The following PHLDB2 variants were observed in gnomAD, a reference collection of about 807,000 sequenced individuals.
PHLDB2 encodes the protein pleckstrin homology like domain family B member 2.
Under a neutral mutation model 123.6 loss-of-function variants are expected in PHLDB2, and 71 were observed. The observed-to-expected ratio is 0.57, with a 90% CI of 0.47 to 0.70. PHLDB2 has a LOEUF of 0.70. Ranked by LOEUF, PHLDB2 falls within the 30% of genes least tolerant of loss-of-function variation. PHLDB2 has a pLI of 0.00. For missense variants in PHLDB2, 1,446 were observed against 1,519.5 expected, an observed-to-expected ratio of 0.95 and a Z score of 0.80; for synonymous variants, 547 against 541.6, an observed-to-expected ratio of 1.01 and a Z score of -0.14.
chr3:111,961,266 G>A (rs2071396258), intron 12 of PHLDB2, among the ~76,000 whole-genome samples: 1 of 152,188 alleles, frequency 6.6e-6, no homozygotes, highest in South Asian at 2.1e-4. Context: ...AGGAGGTGGA[G>A]GTTGCAGTGA....
chr3:111,824,274 T>A (rs1379861459), intron 1 of PHLDB2, among the ~76,000 whole-genome samples: 2 of 152,146 alleles, frequency 1.3e-5, no homozygotes, highest in African/African-American at 4.8e-5. Context: ...TCACAGTGGT[T>A]TTCTTCCTTA....
Position 111,932,378 on chromosome 3 carries a change from TACA to T in PHLDB2, c.2120_2122del (p.Gln707del), listed in dbSNP as rs1160020286. On this transcript the variant is annotated inframe_deletion, in exon 6 of 18. Transcript: ENST00000431670. ...TGTCCTGAGTCCATGAGGGAACAGT[TACA>T]ACAACAACTGAAGAGGGTCAGTAGC... 8 of 1,551,098 alleles carry T rather than the reference TACA, an allele frequency of 5.2e-6. No homozygotes were observed. In the Admixed American group the frequency reaches 7.9e-5, roughly 15 times the overall value.
At chr3:111,748,385 G>A (rs774364884) in intron 1 of PHLDB2, among the ~76,000 whole-genome samples, 3 of 152,068 alleles carry the variant, frequency 2.0e-5, no homozygotes, top group Non-Finnish European at 4.4e-5. Context: ...TAACCCTTTG[G>A]GCTTGGGCTT....
intron 1 of PHLDB2, among the ~76,000 whole-genome samples, chr3:111,791,526 G>A (rs555114561): frequency 5.7e-4 from 87 of 152,254 alleles, no homozygotes; most frequent in African/African-American, 2.0e-3. Context: ...ATGCAAAACT[G>A]TTTTCCAGAG....
chr3:111,794,279 T>C (rs998419363), intron 1 of PHLDB2, among the ~76,000 whole-genome samples: 2 of 152,044 alleles, frequency 1.3e-5, no homozygotes, highest in Non-Finnish European at 2.9e-5. Context: ...AAGGCAGCAC[T>C]GAGTTCCAAT....
intron 1 of PHLDB2, among the ~76,000 whole-genome samples, chr3:111,773,614 C>T (rs914412464): frequency 4.6e-5 from 7 of 152,188 alleles, no homozygotes; most frequent in African/African-American, 1.2e-4. Flanking sequence ...ACAGAGACAA[C>T]GACTTCGTAT....
At chr3:111,845,738 A>C (rs2063954477) in intron 1 of PHLDB2, 1 of 1,498,148 alleles carries the variant, frequency 6.7e-7, no homozygotes. Flanking sequence ...TGAGTTCAAC[A>C]GATGAAGTTC....
rs1171499851 is a variant in PHLDB2 at position 111,752,587 on chromosome 3, C to T, written c.-49+19884C>T. On this transcript the variant is annotated intron_variant, in intron 1 of 17. Transcript: ENST00000393923. ...TGTCAGAATCAGAGTTTACTAGAAA[C>T]ATCAAGTTTTCATTCGGTTATTTTC... is the stretch of plus-strand genomic sequence containing the variant. Among the ~76,000 whole-genome samples the T allele has an allele frequency of 2.0e-5, 3 of 151,622 alleles. No homozygotes were observed. In the East Asian group the frequency reaches 5.8e-4, roughly 29 times the overall value.
At chr3:111,797,798 A>G (rs1049072317) in intron 1 of PHLDB2, among the ~76,000 whole-genome samples, 4 of 152,238 alleles carry the variant, frequency 2.6e-5, no homozygotes, top group African/African-American at 9.6e-5. Context: ...AGAGAAATGA[A>G]GTGATTTGCC....
chr3:111,895,483 A>T (rs930050490), intron 2 of PHLDB2, among the ~76,000 whole-genome samples: 2 of 152,252 alleles, frequency 1.3e-5, no homozygotes, highest in Non-Finnish European at 2.9e-5. Flanking sequence ...AGAAATAAAG[A>T]TCATAAATAA....
At chr3:111,972,266 G>A (rs1412565428) in intron 16 of PHLDB2, among the ~76,000 whole-genome samples, 1 of 152,012 alleles carries the variant, frequency 6.6e-6, no homozygotes, top group African/African-American at 2.4e-5. Context: ...AAACTTAACT[G>A]AACATGGTAT....
intron 1 of PHLDB2, among the ~76,000 whole-genome samples, chr3:111,831,445 T>TAAGCCACA (rs145996074): frequency 0.17 from 25,288 of 151,864 alleles, 4,394 homozygotes; most frequent in African/African-American, 0.43. Context: ...GTAGGGACAG[T>TAAGCCACA]AGGGGGGAGT....
In PHLDB2 at chr3:111,756,000, C is replaced by T. The variant is rs543704999; in HGVS notation, c.-49+23297C>T. ...TTAATCCTGAGTTCTAGTTTGATTG[C>T]GCTGTGGTCTGAGAGACAGTTTGTT... On this transcript the variant is annotated intron_variant, in intron 1 of 17. Coordinates refer to the PHLDB2 transcript ENST00000393923. Among the ~76,000 whole-genome samples the T allele has an allele frequency of 4.7e-3, 716 of 151,940 alleles. 8 individuals carry two copies. The highest frequency in any genetic ancestry group is 0.016 in the African/African-American group (677 of 41,340).
At chr3:111,736,285 G>C (rs2059506634) in intron 1 of PHLDB2, among the ~76,000 whole-genome samples, 1 of 152,134 alleles carries the variant, frequency 6.6e-6, no homozygotes, top group Non-Finnish European at 1.5e-5. Flanking sequence ...TAATGTACAA[G>C]ACAAATTTGT....
rs370548470 is a variant in PHLDB2 at position 111,846,883 on chromosome 3, G to A, written c.67+948G>A. On this transcript the variant is annotated intron_variant, in intron 2 of 17. Coordinates refer to the PHLDB2 transcript ENST00000393923. ...TAAAACAGAAACATTGCAATATGACGATGTGAAATACTTTGACATCTAACC... is the reference window on the plus strand; with the variant it reads ...TAAAACAGAAACATTGCAATATGACAATGTGAAATACTTTGACATCTAACC... 2.0e-5 allele frequency among the ~76,000 whole-genome samples: 3 copies of A among 152,252 alleles called. No homozygotes were observed. The South Asian group carries it at 6.2e-4, about 32-fold the overall frequency.
chr3:111,952,615 G>T lies in PHLDB2; in HGVS notation c.2675G>T (p.Gly892Val). Residue 892 changes from glycine to valine, a missense_variant, in exon 11 of 18, where the codon GGC becomes GTC. Gly to Val is a moderately radical substitution (Grantham distance 109). This residue lies in a region of PHLDB2 where 594 missense variants were observed against 646.0 expected (regional missense o/e 0.92). Transcript: ENST00000431670. ...LEERKKQHKE[G>V]LYLSDTLPRK... ...GAAAGGAAAAAACAGCATAAAGAAGGCCTCTATCTGAGTGATACTTTGCCT... is the reference window on the plus strand; with the variant it reads ...GAAAGGAAAAAACAGCATAAAGAAGTCCTCTATCTGAGTGATACTTTGCCT... 6.2e-7 allele frequency: 1 copy of T among 1,613,684 alleles called. No homozygotes were observed. Among genetic ancestry groups the T allele is most frequent in the East Asian group, 2.2e-5 (1 of 44,852 alleles).
At chr3:111,966,930 A>G (rs1218548746) in intron 14 of PHLDB2, among the ~76,000 whole-genome samples, 1 of 151,846 alleles carries the variant, frequency 6.6e-6, no homozygotes, top group East Asian at 1.9e-4. Context: ...TAGTATTGAC[A>G]TAGACCGAAA....
At chr3:111,871,823 A>AT (rs1384355948) in intron 1 of PHLDB2, among the ~76,000 whole-genome samples, 1 of 152,344 alleles carries the variant, frequency 6.6e-6, no homozygotes, top group East Asian at 1.9e-4. Flanking sequence ...GAGCTGGAGA[A>AT]TTTTATTTCA....
intron 1 of PHLDB2, among the ~76,000 whole-genome samples, chr3:111,827,052 A>C (rs890553213): frequency 4.6e-5 from 7 of 152,320 alleles, no homozygotes; most frequent in Middle Eastern, 3.4e-3. Flanking sequence ...GAAAAAAGGA[A>C]AGGAAAAACA....
Sources: allele counts gnomAD v4.1 joint callset (sites outside exome capture counted in the v4.1 genomes callset), GRCh38; gene constraint gnomAD v4.1.1; regional missense constraint gnomAD v4.1.1; transcripts MANE v1.5; gene names NCBI Gene and HGNC (gene_info 2026-07-23, HGNC 2026-07-21).